DLG2: variants seen among roughly 807,000 people sequenced by gnomAD.
DLG2 encodes the protein disks large homolog 2.
DLG2 carries 45 observed loss-of-function variants against 132.5 expected under a neutral mutation model. That is an observed-to-expected ratio of 0.34 (90% CI 0.27 to 0.44). DLG2 has a LOEUF of 0.44. Ranked by LOEUF, DLG2 falls within the 20% of genes least tolerant of loss-of-function variation. The probability of loss-of-function intolerance (pLI) is 1.00; values close to 1 mark genes in which losing one functional copy is unlikely to be tolerated. For missense variants in DLG2, 1,045 were observed against 1,196.9 expected (o/e 0.87, Z 1.87); for synonymous variants, 424 against 419.6 (o/e 1.01, Z -0.13).
At position 85,141,746 on chromosome 11, in the gene DLG2, G is replaced by C. The variant is rs2076494547; in HGVS notation, c.282+12810C>G. ...TTATTTTTGTATATGGTGAGATATA[G>C]GGTTGTAGTTTCATTTTTCTGCACA... On this transcript the variant is annotated intron_variant, in intron 5 of 27. Coordinates refer to ENST00000376104, the MANE Select transcript of DLG2 (RefSeq NM_001142699.3). 2.0e-5 allele frequency among the ~76,000 whole-genome samples: 3 copies of C among 151,700 alleles called. 1 individual carries two copies. In the South Asian group the frequency reaches 6.2e-4, roughly 31 times the overall value.
intron 3 of DLG2, among the ~76,000 whole-genome samples, chr11:85,504,804 A>G (rs2093890017): frequency 6.6e-6 from 1 of 152,202 alleles, no homozygotes; most frequent in Non-Finnish European, 1.5e-5. Context: ...TACCTTGGAC[A>G]GTATGGCCAT....
chr11:84,317,268 G>A (rs1389499547), intron 7 of DLG2: 7 of 1,490,112 alleles, frequency 4.7e-6, no homozygotes, highest in Non-Finnish European at 8.9e-7. Flanking sequence ...CAGTATCTTT[G>A]ACAGCTGCTA....
At chr11:84,786,389 A>T (rs1356537267) in intron 6 of DLG2, among the ~76,000 whole-genome samples, 2 of 152,332 alleles carry the variant, frequency 1.3e-5, no homozygotes, top group Non-Finnish European at 2.9e-5. Flanking sequence ...ATTTGGTTTT[A>T]TTATAAGAAA....
chr11:84,537,294 C>T (rs952192362), intron 6 of DLG2, among the ~76,000 whole-genome samples: 2 of 151,736 alleles, frequency 1.3e-5, no homozygotes, highest in Non-Finnish European at 2.9e-5. Flanking sequence ...TTTAGTAGAG[C>T]CGGGGTTTCA....
At chr11:83,843,265 G>C (rs1014979671) in intron 16 of DLG2, among the ~76,000 whole-genome samples, 4 of 152,032 alleles carry the variant, frequency 2.6e-5, no homozygotes, top group African/African-American at 9.7e-5. Flanking sequence ...TGTTTGCTTT[G>C]GCTAGAAGGA....
intron 15 of DLG2, among the ~76,000 whole-genome samples, chr11:83,884,716 C>A (rs898096844): frequency 6.6e-6 from 1 of 152,186 alleles, no homozygotes; most frequent in East Asian, 1.9e-4. Context: ...CAGACTGACA[C>A]CTCACACAGC....
intron 6 of DLG2, among the ~76,000 whole-genome samples, chr11:84,842,747 T>A (rs2080864717): frequency 6.6e-6 from 1 of 151,718 alleles, no homozygotes; most frequent in Admixed American, 6.6e-5. Context: ...TACCAGAAGT[T>A]TTAGGATCAT....
intron 21 of DLG2, among the ~76,000 whole-genome samples, chr11:83,492,066 A>G (rs2093882184): frequency 6.6e-6 from 1 of 152,068 alleles, no homozygotes; most frequent in Non-Finnish European, 1.5e-5. Flanking sequence ...GAGTATTTGC[A>G]GCAAAGATCA....
intron 7 of DLG2, among the ~76,000 whole-genome samples, chr11:84,492,650 T>C (rs921181433): frequency 1.3e-5 from 2 of 152,162 alleles, no homozygotes; most frequent in African/African-American, 4.8e-5. Context: ...AAATGCGTAG[T>C]GCAACACCTA....
chr11:83,460,147 A>C (rs10751092), intron 27 of DLG2, among the ~76,000 whole-genome samples: 149,930 of 152,316 alleles, frequency 0.98, 73,804 homozygotes, highest in Middle Eastern at 1. Context: ...GTAACAAATG[A>C]TTCACAGTCT....
chr11:84,022,088 C>A (rs1385229227), intron 11 of DLG2, among the ~76,000 whole-genome samples: 1 of 152,126 alleles, frequency 6.6e-6, no homozygotes, highest in Non-Finnish European at 1.5e-5. Context: ...AAAGAAGCAA[C>A]CTTCAATGCA....
chr11:83,957,554 CT>C (rs10713628), intron 14 of DLG2, among the ~76,000 whole-genome samples: 86,831 of 142,550 alleles, frequency 0.61, 27,017 homozygotes, highest in East Asian at 0.72. Context: ...GCAGCCAGAA[CT>C]TTTTTTTTTT....
intron 4 of DLG2, among the ~76,000 whole-genome samples, chr11:85,177,141 G>A (rs1014457099): frequency 8.6e-5 from 13 of 151,762 alleles, no homozygotes; most frequent in Non-Finnish European, 1.6e-4. Context: ...TTCTATTATA[G>A]AGATAACATG....
chr11:84,152,644 C>T (rs546496814), intron 9 of DLG2, among the ~76,000 whole-genome samples: 1 of 152,078 alleles, frequency 6.6e-6, no homozygotes, highest in African/African-American at 2.4e-5. Flanking sequence ...TCTCGGCCCC[C>T]CAAAGTGCTG....
In DLG2 at chr11:84,124,619, A is replaced by G. The variant is rs369319660; in HGVS notation, c.625-25572T>C. Among the ~76,000 whole-genome samples the G allele has an allele frequency of 2.3e-4, 35 of 152,238 alleles. No individual in the cohort carries two copies. In the East Asian group the frequency reaches 3.1e-3, roughly 13 times the overall value. Reference sequence around the variant, plus strand: ...CCCATTTTCTCTCTTTCTTTACCATAAACTTGACAATAGCAGTCCCACACG... The same window carrying G: ...CCCATTTTCTCTCTTTCTTTACCATGAACTTGACAATAGCAGTCCCACACG... On this transcript the variant is annotated intron_variant, in intron 9 of 27. Coordinates refer to ENST00000376104, the MANE Select transcript of DLG2 (RefSeq NM_001142699.3).
chr11:84,923,381 C>T, intron 6 of DLG2: 1 of 1,136,100 alleles, frequency 8.8e-7, no homozygotes, highest in Non-Finnish European at 1.1e-6. Flanking sequence ...AAAGTTAAGA[C>T]CTCAGTTGCT....
At chr11:83,591,078 A>C (rs1384430474) in intron 19 of DLG2, among the ~76,000 whole-genome samples, 1 of 152,202 alleles carries the variant, frequency 6.6e-6, no homozygotes, top group African/African-American at 2.4e-5. Context: ...AGGAGCTGGT[A>C]CCATTCCTTC....
intron 8 of DLG2, among the ~76,000 whole-genome samples, chr11:84,226,147 T>TATTTAAA (rs2096990209): frequency 6.6e-6 from 1 of 152,242 alleles, no homozygotes; most frequent in Non-Finnish European, 1.5e-5. Context: ...GTTTATCTTT[T>TATTTAAA]ATTTAAAATT....
intron 4 of DLG2, among the ~76,000 whole-genome samples, chr11:85,191,162 GCA>G (rs3067460): frequency 0.1 from 14,397 of 139,784 alleles, 679 homozygotes; most frequent in Non-Finnish European, 0.11. Context: ...GCGCACGCGC[GCA>G]CACACACACA....
Sources: gnomAD v4.1 joint callset for allele counts (sites outside exome capture counted in the v4.1 genomes callset) on GRCh38, gnomAD v4.1.1 for gene constraint, MANE v1.5 for transcripts, NCBI Gene and HGNC (gene_info 2026-07-23, HGNC 2026-07-21) for gene names.